PAWR: variants seen among roughly 807,000 people sequenced by gnomAD.
PAWR encodes pro-apoptotic WT1 regulator.
A neutral mutation model predicts 32.0 loss-of-function variants in PAWR; 23 were observed. The ratio of observed to expected loss-of-function variants is 0.72; its 90% CI spans 0.52 to 1.02. The LOEUF (loss-of-function observed/expected upper bound fraction) is 1.02. Among genes scored for constraint, PAWR ranks in the 50% least tolerant of loss-of-function variants. The pLI is 0.00. For synonymous variants in PAWR, 226 were observed against 187.1 expected (o/e 1.21, Z -1.70); for missense variants, 457 against 437.7 (o/e 1.04, Z -0.39).
chr12:79,608,401 T>C (rs1369710195), intron 4 of PAWR, among the ~76,000 whole-genome samples: 1 of 152,148 alleles, frequency 6.6e-6, no homozygotes, highest in Non-Finnish European at 1.5e-5. Context: ...GTCCCTCGCA[T>C]GAACAGTTCA....
intron 2 of PAWR, among the ~76,000 whole-genome samples, chr12:79,645,607 G>A (rs367797696): frequency 6.6e-6 from 1 of 152,180 alleles, no homozygotes; most frequent in African/African-American, 2.4e-5. Flanking sequence ...ATGCTCCTCT[G>A]TTCTCATCTG....
At chr12:79,632,353 ATATATATAT>A (rs1273370041) in intron 2 of PAWR, among the ~76,000 whole-genome samples, 36 of 19,586 alleles carry the variant, frequency 1.8e-3, no homozygotes, top group East Asian at 4.1e-3. Context: ...ATATATATAT[ATATATATAT>A]TTTTTTTTTT....
chr12:79,665,482 G>A lies in PAWR; in HGVS notation c.516+24247C>T, dbSNP rs189120352. ...GTTGGCTCAATAAACTTGTCTCAAC[G>A]TATTTCTATTGTATCATAAAAATTC... On this transcript the variant is annotated intron_variant, in intron 2 of 6. Coordinates refer to ENST00000328827, the MANE Select transcript of PAWR (RefSeq NM_002583.4). Among the ~76,000 whole-genome samples the A allele has an allele frequency of 1.9e-4, 29 of 152,166 alleles. 2 individuals are homozygous for A. The East Asian group carries it at 3.3e-3, about 17-fold the overall frequency.
chr12:79,648,804 A>AC (rs1876706029), intron 2 of PAWR, among the ~76,000 whole-genome samples: 1 of 150,356 alleles, frequency 6.7e-6, no homozygotes, highest in African/African-American at 2.5e-5. Flanking sequence ...AAAAAAAAAA[A>AC]TAAAAAAACC....
At position 79,591,727 on chromosome 12, in the gene PAWR, T is replaced by G. The variant is rs1592486117; in HGVS notation, c.*880A>C. The G allele has an allele frequency of 6.6e-6, 1 of 152,238 alleles. No homozygotes were observed. The highest frequency in any genetic ancestry group is 1.5e-5 in the Non-Finnish European group (1 of 67,980). 9.4% of individuals were successfully genotyped at this position (152,238 alleles called of 1,614,324 possible). A position where few individuals can be genotyped will look rare whatever the true frequency, so the allele number is the denominator to read the frequency against. On this transcript the variant is annotated 3_prime_UTR_variant, in exon 7 of 7. Coordinates refer to ENST00000328827, the MANE Select transcript of PAWR (RefSeq NM_002583.4). ...TTACATATTGTTTTGTATGAATGTT[T>G]TAAGTATGAATAATATTTTGGTTTT...
At chr12:79,630,526 C>T (rs1875566609) in intron 2 of PAWR, among the ~76,000 whole-genome samples, 1 of 152,160 alleles carries the variant, frequency 6.6e-6, no homozygotes, top group African/African-American at 2.4e-5. Flanking sequence ...TGGTCTTGAA[C>T]TCCTGGCCTC....
intron 2 of PAWR, among the ~76,000 whole-genome samples, chr12:79,654,253 G>C (rs1014738523): frequency 2.0e-5 from 3 of 152,134 alleles, no homozygotes; most frequent in African/African-American, 7.2e-5. Context: ...AGCAAAGTGT[G>C]GGGGAGTTAG....
intron 2 of PAWR, among the ~76,000 whole-genome samples, chr12:79,679,204 G>A (rs921018309): frequency 5.9e-5 from 9 of 152,136 alleles, no homozygotes; most frequent in Admixed American, 5.2e-4. Flanking sequence ...CTATCACACA[G>A]CACTGAGCCT....
In PAWR at chr12:79,655,502, ACC is replaced by A. The variant is rs1877053690; in HGVS notation, c.516+34225_516+34226del. Among the ~76,000 whole-genome samples the A allele has an allele frequency of 5.9e-5, 9 of 152,284 alleles. No individual in the cohort carries two copies. The South Asian group carries it at 1.9e-3, about 32-fold the overall frequency. Reference sequence around the variant, plus strand: ...ATATCAGTGCCCAGGACCTACCTACACCAAAGGATTAAATACTGGTCATCAGT... The same window carrying A: ...ATATCAGTGCCCAGGACCTACCTACAAAAGGATTAAATACTGGTCATCAGT... On this transcript the variant is annotated intron_variant, in intron 2 of 6. Coordinates refer to ENST00000328827, the MANE Select transcript of PAWR (RefSeq NM_002583.4).
chr12:79,598,935 C>A (rs952521214), intron 4 of PAWR, among the ~76,000 whole-genome samples: 1 of 152,170 alleles, frequency 6.6e-6, no homozygotes, highest in Non-Finnish European at 1.5e-5. Context: ...CAGGGTTTCA[C>A]CATGTTGGCC....
At chr12:79,640,517 GA>G (rs1309559865) in intron 2 of PAWR, among the ~76,000 whole-genome samples, 1 of 152,178 alleles carries the variant, frequency 6.6e-6, no homozygotes, top group Non-Finnish European at 1.5e-5. Flanking sequence ...AAGGCAGGCA[GA>G]TCCCTTGAGC....
intron 2 of PAWR, among the ~76,000 whole-genome samples, chr12:79,646,813 T>C (rs554816192): frequency 1.3e-5 from 2 of 152,312 alleles, no homozygotes; most frequent in African/African-American, 4.8e-5. Flanking sequence ...AGCTAGTATA[T>C]AGAACCTGTA....
chr12:79,604,113 C>T (rs989877460), intron 4 of PAWR: 2 of 332,898 alleles, frequency 6.0e-6, no homozygotes, highest in African/African-American at 2.2e-5. Flanking sequence ...GCCATTTAAC[C>T]TATTTTGAAA....
chr12:79,626,987 C>A (rs1422436822), intron 2 of PAWR, among the ~76,000 whole-genome samples: 1 of 152,092 alleles, frequency 6.6e-6, no homozygotes, highest in Non-Finnish European at 1.5e-5. Context: ...TCCAGTCTAT[C>A]GTTGTTGGAT....
intron 2 of PAWR, among the ~76,000 whole-genome samples, chr12:79,628,113 G>T (rs1450232854): frequency 6.6e-6 from 1 of 152,182 alleles, no homozygotes; most frequent in Non-Finnish European, 1.5e-5. Flanking sequence ...CTGTCTCTCA[G>T]ATCACAGTGC....
intron 5 of PAWR, 122 bp downstream of exon 5, chr12:79,596,389 C>A (rs1330609932): frequency 1.1e-5 from 6 of 566,004 alleles, no homozygotes; most frequent in Non-Finnish European, 1.8e-5. Flanking sequence ...TAACAGTTGG[C>A]AGAAAAGCGC....
chr12:79,648,603 T>A (rs1342379734), intron 2 of PAWR, among the ~76,000 whole-genome samples: 2 of 137,182 alleles, frequency 1.5e-5, no homozygotes, highest in African/African-American at 5.8e-5. Context: ...GGCAACATAA[T>A]GAGACCCTGT....
At chr12:79,655,845 A>T (rs1199573745) in intron 2 of PAWR, among the ~76,000 whole-genome samples, 2 of 152,276 alleles carry the variant, frequency 1.3e-5, no homozygotes, top group Non-Finnish European at 2.9e-5. Context: ...CAATACAAAA[A>T]TATGACATAA....
intron 5 of PAWR, among the ~76,000 whole-genome samples, chr12:79,594,727 GTA>G (rs1555233305): frequency 2.0e-5 from 3 of 150,134 alleles, no homozygotes; most frequent in Non-Finnish European, 4.5e-5. Context: ...GTGTGTGTGT[GTA>G]TGTATGTATG....
Sources: allele counts gnomAD v4.1 joint callset (sites outside exome capture counted in the v4.1 genomes callset), GRCh38; gene constraint gnomAD v4.1.1; transcripts MANE v1.5; gene names NCBI Gene and HGNC (gene_info 2026-07-23, HGNC 2026-07-21).